The following MCTP1 variants were observed in gnomAD, a reference collection of about 807,000 sequenced individuals.
The protein encoded by MCTP1 is multiple C2 and transmembrane domain containing 1, also known as multiple C2 and transmembrane domain-containing protein 1.
Under a neutral mutation model 120.6 loss-of-function variants are expected in MCTP1, and 69 were observed. The ratio of observed to expected loss-of-function variants is 0.57; its 90% CI spans 0.47 to 0.70. The LOEUF is 0.70. Ranked by LOEUF, MCTP1 falls within the 30% of genes least tolerant of loss-of-function variation. The pLI, the probability that MCTP1 is intolerant of heterozygous loss-of-function variation, is 0.00. For synonymous variants in MCTP1, 529 were observed against 493.1 expected (o/e 1.07, Z -0.96); for missense variants, 1,203 against 1,248.8 (o/e 0.96, Z 0.55).
At chr5:95,200,094 G>C (rs1346267135) in intron 1 of MCTP1, among the ~76,000 whole-genome samples, 1 of 151,528 alleles carries the variant, frequency 6.6e-6, no homozygotes, top group Admixed American at 6.6e-5. Flanking sequence ...CCGGGAGGCG[G>C]AAGTTGCGGT....
intron 5 of MCTP1, among the ~76,000 whole-genome samples, chr5:94,939,333 C>A (rs1241877439): frequency 6.6e-6 from 1 of 152,010 alleles, no homozygotes; most frequent in Non-Finnish European, 1.5e-5. Context: ...ATTATGTCTA[C>A]TACTAAAATG....
At chr5:94,890,268 G>A (rs1048041135) in intron 11 of MCTP1, among the ~76,000 whole-genome samples, 4 of 152,192 alleles carry the variant, frequency 2.6e-5, no homozygotes, top group African/African-American at 4.8e-5. Flanking sequence ...GGCTCCCAAA[G>A]TGTTGGGATT....
At chr5:94,865,446 A>C (rs1796628546) in intron 17 of MCTP1, among the ~76,000 whole-genome samples, 1 of 151,872 alleles carries the variant, frequency 6.6e-6, no homozygotes, top group Non-Finnish European at 1.5e-5. Flanking sequence ...TCTGTGAGGC[A>C]GTGGCATTTA....
At chr5:94,849,052 G>A (rs1419190489) in intron 17 of MCTP1, among the ~76,000 whole-genome samples, 1 of 151,860 alleles carries the variant, frequency 6.6e-6, no homozygotes, top group African/African-American at 2.4e-5. Context: ...TTTGTTCAAA[G>A]GATTCCTGAA....
intron 10 of MCTP1, among the ~76,000 whole-genome samples, chr5:94,899,322 C>T (rs1804893978): frequency 6.6e-6 from 1 of 152,216 alleles, no homozygotes; most frequent in Non-Finnish European, 1.5e-5. Flanking sequence ...TTTGCCTCAG[C>T]TGCTCCTTTG....
At chr5:94,735,366 A>G (rs1326530612) in intron 19 of MCTP1, among the ~76,000 whole-genome samples, 1 of 150,730 alleles carries the variant, frequency 6.6e-6, no homozygotes, top group African/African-American at 2.4e-5. Flanking sequence ...AATAGTTTCA[A>G]CCTCCTGGCT....
At chr5:95,018,461 G>A (rs746244285) in intron 1 of MCTP1, among the ~76,000 whole-genome samples, 2 of 150,986 alleles carry the variant, frequency 1.3e-5, no homozygotes, top group South Asian at 4.2e-4. Flanking sequence ...CAATCTTTAC[G>A]GTATATAATT....
chr5:94,744,170 T>C (rs1385384783), intron 19 of MCTP1, among the ~76,000 whole-genome samples: 1 of 152,150 alleles, frequency 6.6e-6, no homozygotes, highest in East Asian at 1.9e-4. Context: ...TGTTTTGCCA[T>C]GTTGCCCAGG....
chr5:94,843,673 T>G (rs930723661), intron 17 of MCTP1, among the ~76,000 whole-genome samples: 2 of 152,120 alleles, frequency 1.3e-5, no homozygotes, highest in Non-Finnish European at 2.9e-5. Context: ...TTTAGAGTGG[T>G]TTATGTAGAA....
At chr5:95,204,526 G>A in intron 1 of MCTP1, among the ~76,000 whole-genome samples, 1 of 152,086 alleles carries the variant, frequency 6.6e-6, no homozygotes, top group African/African-American at 2.4e-5. Flanking sequence ...TTCTTGCCAG[G>A]ACAATTACCA....
At chr5:95,039,787 C>T (rs755532339) in intron 1 of MCTP1, among the ~76,000 whole-genome samples, 1 of 144,032 alleles carries the variant, frequency 6.9e-6, no homozygotes, top group Non-Finnish European at 1.5e-5. Context: ...AAATGCTTAG[C>T]TTATTCAGTT....
At chr5:94,743,428 G>A (rs1766048707) in intron 19 of MCTP1, among the ~76,000 whole-genome samples, 1 of 152,026 alleles carries the variant, frequency 6.6e-6, no homozygotes. Flanking sequence ...CCTCACGAAG[G>A]TGAGATAAGA....
chr5:94,767,661 C>T (rs1308453569), intron 19 of MCTP1, among the ~76,000 whole-genome samples: 1 of 151,998 alleles, frequency 6.6e-6, no homozygotes, highest in Non-Finnish European at 1.5e-5. Context: ...GTTCCATTTA[C>T]ACTAGCTACA....
chr5:94,927,820 TA>T (rs1295229552), intron 6 of MCTP1, among the ~76,000 whole-genome samples: 7 of 152,140 alleles, frequency 4.6e-5, no homozygotes, highest in African/African-American at 1.7e-4. Flanking sequence ...TAGTTTAAAT[TA>T]ACAATCTCCT....
At chr5:94,959,117 T>C (rs2153552748) in intron 2 of MCTP1, among the ~76,000 whole-genome samples, 1 of 152,276 alleles carries the variant, frequency 6.6e-6, no homozygotes, top group East Asian at 1.9e-4. Context: ...TGGTTCAACA[T>C]ATGCAAATCA....
chr5:94,781,320 T>C (rs1179936067), intron 18 of MCTP1, among the ~76,000 whole-genome samples: 3 of 152,114 alleles, frequency 2.0e-5, no homozygotes, highest in Non-Finnish European at 2.9e-5. Context: ...GAAGGCAGGA[T>C]GGTGGTGGGC....
chr5:94,817,975 G>T (rs1333230938), intron 17 of MCTP1, among the ~76,000 whole-genome samples: 1 of 152,172 alleles, frequency 6.6e-6, no homozygotes, highest in Admixed American at 6.5e-5. Flanking sequence ...GTCAAAAAGA[G>T]TATCAGCTGC....
intron 1 of MCTP1, among the ~76,000 whole-genome samples, chr5:95,149,446 C>G (rs1336921850): frequency 6.6e-6 from 1 of 152,130 alleles, no homozygotes; most frequent in East Asian, 1.9e-4. Flanking sequence ...AAATACGGAG[C>G]TGTGCCCACC....
chr5:94,809,958 A>G (rs968437503), intron 17 of MCTP1, among the ~76,000 whole-genome samples: 2 of 152,224 alleles, frequency 1.3e-5, no homozygotes, highest in South Asian at 2.1e-4. Flanking sequence ...TAAGGAAGAA[A>G]AAAAAGTGTT....
Sources: allele counts gnomAD v4.1 joint callset (sites outside exome capture counted in the v4.1 genomes callset), GRCh38; gene constraint gnomAD v4.1.1; transcripts MANE v1.5; gene names NCBI Gene and HGNC (gene_info 2026-07-23, HGNC 2026-07-21).